The following MED27 variants were observed in gnomAD, a reference collection of about 807,000 sequenced individuals.
The protein encoded by MED27 is mediator complex subunit 27.
Under a neutral mutation model 38.2 loss-of-function variants are expected in MED27, and 30 were observed. That is an observed-to-expected ratio of 0.79 (90% CI 0.59 to 1.07). MED27 has a LOEUF of 1.07. MED27 is among the 50% of genes least tolerant of loss of function. The pLI is 0.00. For synonymous variants in MED27, 122 were observed against 153.5 expected (o/e 0.79, Z 1.52); for missense variants, 289 against 397.5 (o/e 0.73, Z 2.32).
At chr9:131,991,541 T>A (rs1248993074) in intron 3 of MED27, among the ~76,000 whole-genome samples, 1 of 152,226 alleles carries the variant, frequency 6.6e-6, no homozygotes, top group Non-Finnish European at 1.5e-5. Context: ...GTGATATTTT[T>A]AATCTAATTT....
Position 132,014,408 on chromosome 9 carries a change from G to A in MED27, c.408C>T (p.Ser136=), listed in dbSNP as rs749626199. 8 of 1,613,870 alleles carry A rather than the reference G, an allele frequency of 5.0e-6. No individual in the cohort carries two copies. Among genetic ancestry groups the A allele is most frequent in the South Asian group, 2.2e-5 (2 of 91,074 alleles). ...GLLNQQSLKR[S]ANQMGVSAKR... is the part of the protein sequence containing the mutation. ...TGGCAGATACTCCCATCTGATTAGC[G>A]GAACGCTTCAATGACTGCTGATTTA... The change falls in exon 3 of 8, where the codon TCC becomes TCT. Residue 136 remains serine, a synonymous_variant. Transcript: ENST00000292035.
Position 131,930,809 on chromosome 9 carries a change from T to C in MED27, c.573+8572A>G, listed in dbSNP as rs551031568. 3.3e-5 allele frequency among the ~76,000 whole-genome samples: 5 copies of C among 152,284 alleles called. No individual in the cohort carries two copies. In the South Asian group the frequency reaches 8.3e-4, roughly 25 times the overall value. On this transcript the variant is annotated intron_variant, in intron 4 of 7. Transcript: ENST00000292035. ...TCAAAAATAATAACTTTTCAAGATA[T>C]AGGTAGTACAATAGGACATAAAGAA...
intron 6 of MED27, among the ~76,000 whole-genome samples, chr9:131,877,524 C>G (rs1194659759): frequency 6.6e-6 from 1 of 151,656 alleles, no homozygotes; most frequent in African/African-American, 2.4e-5. Context: ...TGCAGTGAGC[C>G]GAGACCACAC....
intron 3 of MED27, among the ~76,000 whole-genome samples, chr9:132,000,534 CCATA>C (rs1183030770): frequency 6.6e-6 from 1 of 152,100 alleles, no homozygotes; most frequent in Non-Finnish European, 1.5e-5. Context: ...AAGCACATGT[CCATA>C]CAAAGACTTG....
chr9:131,970,816 T>C (rs926542725), intron 3 of MED27, among the ~76,000 whole-genome samples: 2 of 152,160 alleles, frequency 1.3e-5, no homozygotes, highest in African/African-American at 4.8e-5. Context: ...AGGAGAACAG[T>C]AGAGAAGACA....
chr9:132,001,454 C>T (rs1832232673), intron 3 of MED27, among the ~76,000 whole-genome samples: 1 of 152,110 alleles, frequency 6.6e-6, no homozygotes. Context: ...TTCTGATTTA[C>T]ATAAATGACA....
chr9:131,960,155 A>G (rs1366794546), intron 3 of MED27, among the ~76,000 whole-genome samples: 1 of 152,218 alleles, frequency 6.6e-6, no homozygotes. Flanking sequence ...GAACAGATAA[A>G]AACAATTATT....
chr9:132,016,775 G>T (rs986974577), intron 2 of MED27, among the ~76,000 whole-genome samples: 1 of 152,220 alleles, frequency 6.6e-6, no homozygotes, highest in African/African-American at 2.4e-5. Flanking sequence ...TTGAGTGGAG[G>T]AGGCCTGCTA....
intron 4 of MED27, among the ~76,000 whole-genome samples, chr9:131,902,088 C>A (rs963085080): frequency 6.6e-6 from 1 of 152,184 alleles, no homozygotes; most frequent in Non-Finnish European, 1.5e-5. Context: ...TCCTCCAGGG[C>A]TCTGTTAAAG....
intron 3 of MED27, among the ~76,000 whole-genome samples, chr9:131,992,000 C>T (rs961846883): frequency 7.9e-5 from 12 of 152,158 alleles, no homozygotes; most frequent in East Asian, 1.9e-4. Flanking sequence ...GGATTAGAGA[C>T]GTGAGCCACC....
intron 3 of MED27, among the ~76,000 whole-genome samples, chr9:131,951,891 A>G (rs981946865): frequency 3.3e-5 from 5 of 152,220 alleles, no homozygotes; most frequent in African/African-American, 7.2e-5. Flanking sequence ...TCATTTTACT[A>G]CATCAATGCA....
At chr9:131,896,835 G>T (rs1350251833) in intron 4 of MED27, among the ~76,000 whole-genome samples, 1 of 152,140 alleles carries the variant, frequency 6.6e-6, no homozygotes, top group Non-Finnish European at 1.5e-5. Flanking sequence ...GGGTTCAAGC[G>T]ATTTTCCTGC....
chr9:131,923,490 T>TA (rs1173302850), intron 4 of MED27, among the ~76,000 whole-genome samples: 2 of 152,250 alleles, frequency 1.3e-5, no homozygotes, highest in Non-Finnish European at 2.9e-5. Flanking sequence ...CAAAGGTTAC[T>TA]AGTGTTAGTT....
intron 2 of MED27, among the ~76,000 whole-genome samples, chr9:132,063,407 T>C (rs547366021): frequency 2.0e-5 from 3 of 152,108 alleles, no homozygotes; most frequent in Non-Finnish European, 4.4e-5. Context: ...CCACAAGACA[T>C]CTCACTAGGA....
intron 2 of MED27, among the ~76,000 whole-genome samples, chr9:132,068,326 T>C (rs1291066034): frequency 3.3e-5 from 5 of 152,168 alleles, no homozygotes; most frequent in Non-Finnish European, 7.4e-5. Context: ...CGTGTACTAT[T>C]ACTAGAAAGC....
At chr9:131,914,222 A>G (rs1009868162) in intron 4 of MED27, among the ~76,000 whole-genome samples, 1 of 152,214 alleles carries the variant, frequency 6.6e-6, no homozygotes, top group Non-Finnish European at 1.5e-5. Context: ...CAAGACAGTA[A>G]GACTTCAAAG....
At chr9:131,884,151 T>A (rs769695826) in intron 5 of MED27, 52 bp from the exon 6 acceptor site, 22 of 1,458,608 alleles carry the variant, frequency 1.5e-5, no homozygotes, top group Non-Finnish European at 2.0e-5. Flanking sequence ...AATTCGGGAC[T>A]TCAAGAAATA....
intron 4 of MED27, among the ~76,000 whole-genome samples, chr9:131,919,127 A>G (rs1226400189): frequency 6.6e-6 from 1 of 152,172 alleles, no homozygotes; most frequent in Admixed American, 6.5e-5. Context: ...GAGGATGGGG[A>G]ACTCCCACAA....
intron 2 of MED27, 39 bp from the exon 3 acceptor site, chr9:132,014,506 C>G: frequency 6.2e-7 from 1 of 1,601,460 alleles, no homozygotes; most frequent in Non-Finnish European, 8.5e-7. Flanking sequence ...AGAAAAATAG[C>G]ATTTGGTAAA....
Sources: gnomAD v4.1 joint callset for allele counts (sites outside exome capture counted in the v4.1 genomes callset) on GRCh38, gnomAD v4.1.1 for gene constraint, MANE v1.5 for transcripts, NCBI Gene and HGNC (gene_info 2026-07-23, HGNC 2026-07-21) for gene names.